Variants in SIPA1L3 observed in about 807,000 individuals in gnomAD.
SIPA1L3 encodes signal-induced proliferation-associated 1-like protein 3.
In SIPA1L3, 59 loss-of-function variants were observed where a neutral mutation model predicts 150.1. That is an observed-to-expected ratio of 0.39 (90% CI 0.32 to 0.49). The LOEUF is 0.49. Ranked by LOEUF, SIPA1L3 falls within the 20% of genes least tolerant of loss-of-function variation. SIPA1L3 has a pLI of 0.86. For synonymous variants in SIPA1L3, 1,070 were observed against 1,077.6 expected, an observed-to-expected ratio of 0.99 and a Z score of 0.14; for missense variants, 2,211 against 2,489.5, an observed-to-expected ratio of 0.89 and a Z score of 2.38.
rs1971290158 is a variant in SIPA1L3, at chr19:38,130,759, G to A, written c.3130G>A (p.Gly1044Ser). The change falls in exon 10 of 22, where the codon GGC (glycine) becomes AGC (serine). Residue 1044 changes from glycine (G) to serine (S), a missense_variant. Transcript: ENST00000222345. ...KVVIIPPFED[G>S]TPRRGWPETY... Reference sequence around the variant, plus strand: ...GGTCATCATCCCGCCTTTTGAGGACGGCACTCCCCGGAGGTAAGGGCCTCC... The same window carrying A: ...GGTCATCATCCCGCCTTTTGAGGACAGCACTCCCCGGAGGTAAGGGCCTCC... 6 of 1,606,484 alleles carry A rather than the reference G, an allele frequency of 3.7e-6. No individual in the cohort carries two copies. Among genetic ancestry groups the A allele is most frequent in the Admixed American group, 1.7e-5 (1 of 59,804 alleles).
At chr19:38,187,684 C>T (rs1600188604) in intron 16 of SIPA1L3, among the ~76,000 whole-genome samples, 1 of 131,998 alleles carries the variant, frequency 7.6e-6, no homozygotes, top group African/African-American at 2.9e-5. Context: ...CGCCACTGCA[C>T]TCCAGCCTGG....
In SIPA1L3 at chr19:38,164,750, C is replaced by T. The variant is rs1378695214; in HGVS notation, c.4052C>T (p.Ala1351Val). The change falls in exon 15 of 22, where the codon GCT (alanine) becomes GTT (valine). Residue 1351 changes from alanine to valine, a missense_variant. Coordinates refer to ENST00000222345, the MANE Select transcript of SIPA1L3 (RefSeq NM_015073.3). The surrounding 1 kb of genome is among the most constrained non-coding windows in gnomAD (Gnocchi z 4.1). ...MGLCGGGREA[A>V]GRSHHADRRR... ...CTTTGTGGCGGGGGTCGCGAGGCCG[C>T]TGGGAGGTCCCACCACGCAGACAGG... 2 of 1,612,890 alleles carry T rather than the reference C, an allele frequency of 1.2e-6. No individual in the cohort carries two copies. Among genetic ancestry groups the T allele is most frequent in the Non-Finnish European group, 1.7e-6 (2 of 1,179,632 alleles).
At chr19:37,987,820 AC>A (rs1967398054) in intron 1 of SIPA1L3, among the ~76,000 whole-genome samples, 1 of 152,188 alleles carries the variant, frequency 6.6e-6, no homozygotes, top group South Asian at 2.1e-4. Context: ...CGGCGCCTTT[AC>A]TGCTCAGTAA....
At chr19:38,127,019 C>A (rs1229076168) in intron 9 of SIPA1L3, among the ~76,000 whole-genome samples, 3 of 151,982 alleles carry the variant, frequency 2.0e-5, no homozygotes, top group Non-Finnish European at 2.9e-5. Flanking sequence ...ATGGAGAAAC[C>A]CCGTCTCTAC....
In SIPA1L3 at chr19:38,152,953, A is replaced by G. The variant is rs1402909851; in HGVS notation, c.3647A>G (p.Glu1216Gly). The change falls in exon 13 of 22, where the codon GAA becomes GGA. Residue 1216 changes from glutamate to glycine, a missense_variant. Physicochemically the swap from Glu to Gly is moderately conservative, Grantham distance 98. This residue lies in a region of SIPA1L3 where 806 missense variants were observed against 870.1 expected (regional missense o/e 0.93). Coordinates refer to ENST00000222345, the MANE Select transcript of SIPA1L3 (RefSeq NM_015073.3). ...CTGACCAGCCAGGAGAGCACCATGG[A>G]ACGCCAGAAGCCAGGTAGGGCCCCC... ...GGLTSQESTM[E>G]RQKPEPLWHV... 9.9e-6 allele frequency: 16 copies of G among 1,612,656 alleles called. No individual in the cohort carries two copies.
At chr19:37,968,221 C>A (rs117961033) in intron 1 of SIPA1L3, among the ~76,000 whole-genome samples, 1 of 152,086 alleles carries the variant, frequency 6.6e-6, no homozygotes, top group Non-Finnish European at 1.5e-5. Flanking sequence ...TACAGGCACG[C>A]GCTGCCATGC....
At chr19:38,135,387 C>T (rs1971413371) in intron 10 of SIPA1L3, among the ~76,000 whole-genome samples, 1 of 152,192 alleles carries the variant, frequency 6.6e-6, no homozygotes, top group Non-Finnish European at 1.5e-5. Context: ...CCCGGAGCCA[C>T]AGCCCAGCCA....
Position 38,182,546 on chromosome 19 carries a change from C to T in SIPA1L3, c.4236C>T (p.Pro1412=), listed in dbSNP as rs758698639. 65 of 1,613,392 alleles carry T rather than the reference C, an allele frequency of 4.0e-5. No individual in the cohort carries two copies. Among genetic ancestry groups the T allele is most frequent in the South Asian group, 3.4e-4 (31 of 91,014 alleles). Residue 1412 remains proline, a synonymous_variant, in exon 16 of 22, where the codon CCC becomes CCT. Transcript: ENST00000222345. The stretch of plus-strand genomic sequence containing the variant: ...ACATGGGCTCGAGGGTTGGCTACCC[C>T]GCTCAGGTTTACAAAACTGCCAGTG... ...PSDMGSRVGY[P]AQVYKTASAE...
intron 8 of SIPA1L3, among the ~76,000 whole-genome samples, chr19:38,118,496 G>A (rs182380009): frequency 2.0e-5 from 3 of 152,192 alleles, no homozygotes; most frequent in East Asian, 1.9e-4. Context: ...TGATGTCAGA[G>A]GATGTTCAGA....
intron 1 of SIPA1L3, among the ~76,000 whole-genome samples, chr19:37,977,390 C>T (rs1160832484): frequency 2.0e-5 from 3 of 152,160 alleles, no homozygotes; most frequent in African/African-American, 7.2e-5. Context: ...GTCTTGAACT[C>T]CTGACCTCAG....
intron 8 of SIPA1L3, among the ~76,000 whole-genome samples, chr19:38,115,156 G>A (rs925863335): frequency 2.6e-5 from 4 of 152,200 alleles, no homozygotes; most frequent in Non-Finnish European, 4.4e-5. Context: ...AGAGGGAGAC[G>A]GGAGATGTTT....
intron 10 of SIPA1L3, among the ~76,000 whole-genome samples, chr19:38,132,052 C>T (rs907837834): frequency 1.3e-5 from 2 of 151,432 alleles, no homozygotes; most frequent in African/African-American, 2.4e-5. Flanking sequence ...CTGGCCAACA[C>T]AGTGAGACCC....
chr19:38,100,186 G>T, intron 5 of SIPA1L3, 36 bp downstream of exon 5: 2 of 1,448,036 alleles, frequency 1.4e-6, no homozygotes, highest in African/African-American at 1.5e-5. Context: ...TGCTGCTGGG[G>T]CAGTACCTTG....
At position 37,997,864 on chromosome 19, in the gene SIPA1L3, CAAAAAAAAAAAAA is replaced by C. The variant is rs967452351; in HGVS notation, c.-378-31220_-378-31208del. Among the ~76,000 whole-genome samples, 8 of 69,282 alleles carry C rather than the reference CAAAAAAAAAAAAA, an allele frequency of 1.2e-4. No homozygotes were observed. The East Asian group carries it at 3.0e-3, about 26-fold the overall frequency. 45.5% of individuals were successfully genotyped at this position (69,282 alleles called of 152,430 possible). A position where few individuals can be genotyped will look rare whatever the true frequency, so the allele number is the denominator to read the frequency against. ...CTGACGACAGAGCGAGACTCCATCTCAAAAAAAAAAAAAAAAAGAAAAGAAAAAGAGAGAGAGA... is the reference window on the plus strand; with the variant it reads ...CTGACGACAGAGCGAGACTCCATCTCAAAAGAAAAGAAAAAGAGAGAGAGA... On this transcript the variant is annotated intron_variant, in intron 1 of 21. Coordinates refer to ENST00000222345, the MANE Select transcript of SIPA1L3 (RefSeq NM_015073.3).
intron 2 of SIPA1L3, among the ~76,000 whole-genome samples, chr19:38,044,044 G>A (rs1461789440): frequency 6.6e-6 from 1 of 152,170 alleles, no homozygotes; most frequent in East Asian, 1.9e-4. Context: ...TATCTTGAAG[G>A]TGGAGCTGAC....
At chr19:37,998,853 T>C (rs936024187) in intron 1 of SIPA1L3, among the ~76,000 whole-genome samples, 2 of 152,198 alleles carry the variant, frequency 1.3e-5, no homozygotes, top group Middle Eastern at 3.4e-3. Flanking sequence ...AAATAAAGAA[T>C]AGATGAAGCT....
intron 1 of SIPA1L3, among the ~76,000 whole-genome samples, chr19:37,973,350 C>T (rs145167542): frequency 0.01 from 1,535 of 150,958 alleles, 33 homozygotes; most frequent in African/African-American, 0.036. Flanking sequence ...GATTCTCCTG[C>T]CTCAGTCTCC....
In SIPA1L3 at chr19:38,206,577, G is replaced by A. The variant is rs548221502; in HGVS notation, c.*337G>A. The A allele has an allele frequency of 9.2e-6, 2 of 216,412 alleles. No individual in the cohort carries two copies. The highest frequency in any genetic ancestry group is 1.5e-4 in the South Asian group (1 of 6,742). The allele number at this position is 216,412 out of a possible 1,614,324, so 13.4% of individuals were successfully genotyped here. A position where few individuals can be genotyped will look rare whatever the true frequency, so the allele number is the denominator to read the frequency against. On this transcript the variant is annotated 3_prime_UTR_variant, in exon 22 of 22. Coordinates refer to ENST00000222345, the MANE Select transcript of SIPA1L3 (RefSeq NM_015073.3). Reference sequence around the variant, plus strand: ...CCAGCCCTTCGAAGCTGATGGGGACGGAGAGAGGAGCCAGTCTCCAGACGC... The same window carrying A: ...CCAGCCCTTCGAAGCTGATGGGGACAGAGAGAGGAGCCAGTCTCCAGACGC...
intron 9 of SIPA1L3, 62 bp from the exon 10 acceptor site, chr19:38,130,436 G>A: frequency 6.5e-7 from 1 of 1,541,672 alleles, no homozygotes; most frequent in South Asian, 1.2e-5. Context: ...ACGTGACCAG[G>A]GGTCTTCCAG....
Sources: allele counts gnomAD v4.1 joint callset (sites outside exome capture counted in the v4.1 genomes callset), GRCh38; gene constraint gnomAD v4.1.1; regional missense constraint gnomAD v4.1.1; non-coding constraint Gnocchi (gnomAD v3.1); transcripts MANE v1.5; gene names NCBI Gene and HGNC (gene_info 2026-07-23, HGNC 2026-07-21).